Variants in ARHGAP25 observed in about 807,000 individuals in gnomAD.
ARHGAP25 encodes Rho GTPase activating protein 25, also known as rho GTPase-activating protein 25.
A neutral mutation model predicts 71.0 loss-of-function variants in ARHGAP25; 34 were observed. The observed-to-expected ratio is 0.48, with a 90% CI of 0.36 to 0.64. The LOEUF is 0.64. Among genes scored for constraint, ARHGAP25 ranks in the 30% least tolerant of loss-of-function variants. The pLI is 0.00. For synonymous variants in ARHGAP25, 282 were observed against 296.5 expected (o/e 0.95, Z 0.50); for missense variants, 706 against 805.1 (o/e 0.88, Z 1.49).
chr2:68,739,349 T>A (rs1032227511), intron 1 of ARHGAP25, among the ~76,000 whole-genome samples: 7 of 152,222 alleles, frequency 4.6e-5, no homozygotes, highest in African/African-American at 1.7e-4. Flanking sequence ...ATAAGTCACT[T>A]CATTAATGGT....
intron 4 of ARHGAP25, among the ~76,000 whole-genome samples, chr2:68,798,921 G>C (rs1287637682): frequency 3.9e-5 from 6 of 152,186 alleles, no homozygotes; most frequent in Non-Finnish European, 5.9e-5. Context: ...AGTCATTGGG[G>C]ATTTCAAGGA....
intron 1 of ARHGAP25, among the ~76,000 whole-genome samples, chr2:68,747,172 T>A (rs573359526): frequency 1.3e-5 from 2 of 152,098 alleles, no homozygotes; most frequent in South Asian, 4.2e-4. Context: ...AATCAGGCAT[T>A]TTCTCCTTGA....
At chr2:68,721,455 G>A (rs181658878) in intron 2 of ARHGAP25, among the ~76,000 whole-genome samples, 4 of 152,304 alleles carry the variant, frequency 2.6e-5, no homozygotes, top group South Asian at 2.1e-4. Context: ...ACAAAGTCAT[G>A]ATGACAGTCA....
intron 2 of ARHGAP25, among the ~76,000 whole-genome samples, chr2:68,727,581 C>T (rs773604101): frequency 6.6e-6 from 1 of 152,180 alleles, no homozygotes; most frequent in Non-Finnish European, 1.5e-5. Flanking sequence ...GGCCAGGGAC[C>T]TCCTGACAAA....
At chr2:68,772,830 A>G (rs1677575139) in intron 1 of ARHGAP25, among the ~76,000 whole-genome samples, 1 of 152,260 alleles carries the variant, frequency 6.6e-6, no homozygotes, top group African/African-American at 2.4e-5. Flanking sequence ...AAGATCTCAG[A>G]TAAAGTTCTT....
At chr2:68,739,106 G>GC (rs1312455930) in intron 1 of ARHGAP25, among the ~76,000 whole-genome samples, 3 of 152,214 alleles carry the variant, frequency 2.0e-5, no homozygotes, top group African/African-American at 7.2e-5. Flanking sequence ...TGCAGCAGCA[G>GC]CAGAGTGGGG....
intron 1 of ARHGAP25, among the ~76,000 whole-genome samples, chr2:68,766,780 C>T (rs1481480902): frequency 1.3e-5 from 2 of 152,078 alleles, no homozygotes; most frequent in East Asian, 3.8e-4. Context: ...TGTTCTCACT[C>T]TCTGTCATTC....
At chr2:68,775,027 C>T (rs1253841726) in intron 1 of ARHGAP25, 194 bp from the exon 2 acceptor site, 17 of 1,499,034 alleles carry the variant, frequency 1.1e-5, no homozygotes, top group East Asian at 4.6e-5. Flanking sequence ...TGGCCCTGAC[C>T]GGGAGCTGGC....
intron 5 of ARHGAP25, among the ~76,000 whole-genome samples, chr2:68,807,869 G>T (rs1406192045): frequency 6.6e-6 from 1 of 152,148 alleles, no homozygotes; most frequent in African/African-American, 2.4e-5. Flanking sequence ...AGTGGAGAAT[G>T]CACCAGATCT....
chr2:68,732,672 T>G (rs949072289), upstream of ARHGAP25, among the ~76,000 whole-genome samples: 1 of 152,144 alleles, frequency 6.6e-6, no homozygotes, highest in Non-Finnish European at 1.5e-5. Context: ...CCGGCCCTTC[T>G]CCCTCCCCAC....
chr2:68,825,462 G>A (rs547532261), intron 10 of ARHGAP25, among the ~76,000 whole-genome samples: 1 of 152,198 alleles, frequency 6.6e-6, no homozygotes, highest in East Asian at 1.9e-4. Flanking sequence ...GTCACAAGAT[G>A]GTGTTAAATG....
chr2:68,805,885 A>G (rs1383165736), intron 4 of ARHGAP25, among the ~76,000 whole-genome samples: 1 of 152,206 alleles, frequency 6.6e-6, no homozygotes, highest in Non-Finnish European at 1.5e-5. Flanking sequence ...GCAGAGGGAA[A>G]GTCACGCAGG....
Position 68,817,933 on chromosome 2 carries a change from T to A in ARHGAP25, c.942T>A (p.Ala314=). The A allele has an allele frequency of 6.2e-7, 1 of 1,614,162 alleles. No homozygotes were observed. The highest frequency in any genetic ancestry group is 8.5e-7 in the Non-Finnish European group (1 of 1,179,970). The change falls in exon 8 of 11, where the codon GCT becomes GCA. Residue 314 remains alanine (A), a synonymous_variant. Coordinates refer to ENST00000409202, the MANE Select transcript of ARHGAP25 (RefSeq NM_001007231.3). ...AVNKMSVDNL[A]TVIGVNLIRS... The stretch of plus-strand genomic sequence containing the variant: ...ACAAGATGAGTGTGGACAACCTGGC[T>A]ACTGTGATTGGTGTGAATCTCATCA...
chr2:68,718,758 C>G (rs1674682162), intron 2 of ARHGAP25, among the ~76,000 whole-genome samples: 1 of 152,124 alleles, frequency 6.6e-6, no homozygotes, highest in African/African-American at 2.4e-5. Flanking sequence ...ACACAGAGCT[C>G]TTAAATTTCT....
Position 68,826,142 on chromosome 2 carries a change from A to T in ARHGAP25, c.1889A>T (p.Glu630Val). Residue 630 changes from glutamate (E) to valine (V), a missense_variant, in exon 11 of 11, where the codon GAA becomes GTA. Coordinates refer to ENST00000409202, the MANE Select transcript of ARHGAP25 (RefSeq NM_001007231.3). Reference protein sequence around the residue: ...DVEKRNKALEEEVKEFVKSMK... With the variant: ...DVEKRNKALEVEVKEFVKSMK... ...GAGAAGAGGAACAAGGCCTTGGAAG[A>T]AGAAGTCAAGGAATTTGTCAAATCC... 1 of 1,614,160 alleles carries T rather than the reference A, an allele frequency of 6.2e-7. No individual in the cohort carries two copies. The highest frequency in any genetic ancestry group is 1.7e-5 in the Admixed American group (1 of 60,018).
In ARHGAP25 at chr2:68,775,202, T is replaced by C; in HGVS notation, c.62-19T>C. The C allele has an allele frequency of 6.2e-7, 1 of 1,614,280 alleles. No homozygotes were observed. Among genetic ancestry groups the C allele is most frequent in the Non-Finnish European group, 8.5e-7 (1 of 1,180,048 alleles). On this transcript the variant is annotated intron_variant, in intron 1 of 10. Transcript: ENST00000409202. ...CCCCATGTCCCTCGGTCAGTCGGCCTGTCTGTTCCTCTCTATAGCTCGGTC... is the reference window on the plus strand; with the variant it reads ...CCCCATGTCCCTCGGTCAGTCGGCCCGTCTGTTCCTCTCTATAGCTCGGTC...
chr2:68,777,933 A>T (rs1468665716), intron 2 of ARHGAP25, among the ~76,000 whole-genome samples: 1 of 152,160 alleles, frequency 6.6e-6, no homozygotes, highest in Non-Finnish European at 1.5e-5. Flanking sequence ...TTGTAAATGC[A>T]AAATTAGTAT....
intron 2 of ARHGAP25, among the ~76,000 whole-genome samples, chr2:68,722,804 AAGGAC>A (rs1346412491): frequency 6.6e-6 from 1 of 152,162 alleles, no homozygotes; most frequent in African/African-American, 2.4e-5. Flanking sequence ...ATGAGCCCTC[AAGGAC>A]AGCTTTGCAA....
intron 9 of ARHGAP25, among the ~76,000 whole-genome samples, chr2:68,820,379 G>A (rs1055356265): frequency 6.6e-6 from 1 of 152,216 alleles, no homozygotes; most frequent in Non-Finnish European, 1.5e-5. Flanking sequence ...GAAACTCAGA[G>A]AGGTTGAGCA....
Sources: allele counts gnomAD v4.1 joint callset (sites outside exome capture counted in the v4.1 genomes callset), GRCh38; gene constraint gnomAD v4.1.1; transcripts MANE v1.5; gene names NCBI Gene and HGNC (gene_info 2026-07-23, HGNC 2026-07-21).